Variants in CDH2 observed in about 807,000 individuals in gnomAD.
CDH2 encodes the protein cadherin-2.
In CDH2, 17 loss-of-function variants were observed where a neutral mutation model predicts 92.0. The observed-to-expected ratio is 0.18, with a 90% CI of 0.13 to 0.28. CDH2 has a LOEUF of 0.28. Ranked by LOEUF, CDH2 falls within the 10% of genes least tolerant of loss-of-function variation. The pLI is 1.00. For missense variants in CDH2, 862 were observed against 1,133.1 expected (o/e 0.76, Z 3.44); for synonymous variants, 419 against 415.9 (o/e 1.01, Z -0.09).
intron 2 of CDH2, among the ~76,000 whole-genome samples, chr18:28,051,667 T>C (rs937598946): frequency 3.3e-5 from 5 of 152,132 alleles, no homozygotes; most frequent in Non-Finnish European, 5.9e-5. Context: ...TATAGAACTG[T>C]CTTGCCCTGG....
intron 2 of CDH2, among the ~76,000 whole-genome samples, chr18:28,082,404 CTAAA>C (rs1469992178): frequency 1.3e-5 from 2 of 152,002 alleles, no homozygotes; most frequent in Non-Finnish European, 2.9e-5. Flanking sequence ...CAGCAAGACT[CTAAA>C]TAAATAAATA....
At chr18:28,059,185 G>T (rs371600730) in intron 2 of CDH2, among the ~76,000 whole-genome samples, 4 of 152,168 alleles carry the variant, frequency 2.6e-5, no homozygotes, top group Non-Finnish European at 2.9e-5. Context: ...TGGTTGGAAT[G>T]ACAAAAACCC....
At chr18:27,952,480 C>G (rs1325421002) in intron 15 of CDH2, 121 bp from the exon 16 acceptor site, 3 of 741,616 alleles carry the variant, frequency 4.0e-6, no homozygotes, top group Admixed American at 2.6e-5. Flanking sequence ...TTTCCATTTA[C>G]ATACCATATT....
intron 7 of CDH2, among the ~76,000 whole-genome samples, chr18:27,995,399 G>A (rs560565808): frequency 6.6e-6 from 1 of 151,470 alleles, no homozygotes; most frequent in Admixed American, 6.6e-5. Context: ...TGTCACTTCA[G>A]CTTAATGCTT....
chr18:28,034,435 T>A (rs1247945365), intron 2 of CDH2, among the ~76,000 whole-genome samples: 1 of 151,906 alleles, frequency 6.6e-6, no homozygotes, highest in African/African-American at 2.4e-5. Context: ...TAAATATATT[T>A]TTTTTCTGGT....
intron 2 of CDH2, among the ~76,000 whole-genome samples, chr18:28,131,381 G>C (rs1222129607): frequency 1.3e-5 from 2 of 152,132 alleles, no homozygotes; most frequent in African/African-American, 2.4e-5. Context: ...GGAGTAAAGA[G>C]GTAGCGAGAT....
chr18:28,149,449 A>C (rs2016087900), intron 1 of CDH2, among the ~76,000 whole-genome samples: 1 of 152,212 alleles, frequency 6.6e-6, no homozygotes, highest in Admixed American at 6.5e-5. Context: ...ATATAAATTT[A>C]ATTATAAATC....
intron 2 of CDH2, among the ~76,000 whole-genome samples, chr18:28,091,338 C>T (rs2015034173): frequency 6.6e-6 from 1 of 152,178 alleles, no homozygotes; most frequent in South Asian, 2.1e-4. Context: ...CACCCCCTGA[C>T]ACTTAAATAC....
intron 2 of CDH2, among the ~76,000 whole-genome samples, chr18:28,037,273 G>A (rs993009484): frequency 6.6e-6 from 1 of 152,096 alleles, no homozygotes; most frequent in Admixed American, 6.6e-5. Flanking sequence ...TTTTGCTAAT[G>A]GGTAGATACA....
intron 2 of CDH2, among the ~76,000 whole-genome samples, chr18:28,028,583 T>C (rs1263622049): frequency 1.3e-5 from 2 of 152,054 alleles, no homozygotes; most frequent in African/African-American, 2.4e-5. Flanking sequence ...AAATAATATA[T>C]ATAAAAAACA....
intron 2 of CDH2, among the ~76,000 whole-genome samples, chr18:28,114,479 G>GA (rs1023901692): frequency 1.3e-5 from 2 of 151,300 alleles, no homozygotes; most frequent in Admixed American, 6.6e-5. Flanking sequence ...TATCCAATCG[G>GA]AAAAAAAAGT....
At position 27,993,617 on chromosome 18, in the gene CDH2, T is replaced by C. The variant is rs2012493389; in HGVS notation, c.1041A>G (p.Leu347=). 1 of 1,612,496 alleles carries C rather than the reference T, an allele frequency of 6.2e-7. No individual in the cohort carries two copies. Among genetic ancestry groups the C allele is most frequent in the East Asian group, 2.2e-5 (1 of 44,864 alleles). ...LDREKVQQYT[L]IIQATDMEGN... is the part of the protein sequence containing the mutation. The stretch of plus-strand genomic sequence containing the variant: ...CTTCCATGTCTGTAGCTTGAATTAT[T>C]AACGTATACTGTTGCACTTTCTAAA... Residue 347 remains leucine (L), a synonymous_variant, in exon 8 of 16, where the codon TTA becomes TTG. Transcript: ENST00000269141.
At chr18:27,995,948 A>G (rs142687505) in intron 7 of CDH2, among the ~76,000 whole-genome samples, 2 of 152,266 alleles carry the variant, frequency 1.3e-5, no homozygotes, top group African/African-American at 4.8e-5. Flanking sequence ...CTTCTTGCCT[A>G]ATTTGGTCAT....
intron 6 of CDH2, among the ~76,000 whole-genome samples, chr18:27,935,837 G>A (rs1388119984): frequency 6.6e-6 from 1 of 152,108 alleles, no homozygotes; most frequent in Non-Finnish European, 1.5e-5. Context: ...ATTCATTATA[G>A]TTTCTTATGC....
At chr18:28,065,224 G>A (rs2014484065) in intron 2 of CDH2, among the ~76,000 whole-genome samples, 2 of 152,172 alleles carry the variant, frequency 1.3e-5, no homozygotes, top group East Asian at 1.9e-4. Flanking sequence ...ATCCCCTGTT[G>A]ACATTTCATT....
chr18:28,008,141 C>T (rs1374834435), intron 5 of CDH2, among the ~76,000 whole-genome samples: 3 of 151,988 alleles, frequency 2.0e-5, no homozygotes, highest in Admixed American at 6.6e-5. Flanking sequence ...ATTCAGAAAG[C>T]GAGAATTCCT....
chr18:28,169,867 T>C (rs1282855297), intron 1 of CDH2, among the ~76,000 whole-genome samples: 1 of 152,186 alleles, frequency 6.6e-6, no homozygotes, highest in Non-Finnish European at 1.5e-5. Context: ...ATCAAGGCAG[T>C]GGGTACACTA....
At chr18:27,949,852 T>C (rs1909368557), downstream of CDH2, among the ~76,000 whole-genome samples, 2 of 151,902 alleles carry the variant, frequency 1.3e-5, no homozygotes, top group Non-Finnish European at 2.9e-5. Context: ...TGTATATATA[T>C]AAAACCTTAC....
intron 6 of CDH2, among the ~76,000 whole-genome samples, chr18:27,938,714 A>AT (rs551203600): frequency 1.8e-3 from 276 of 152,014 alleles, no homozygotes; most frequent in African/African-American, 6.4e-3. Context: ...AAACCTCTAC[A>AT]TTTTTTTTAA....
Sources: allele counts gnomAD v4.1 joint callset (sites outside exome capture counted in the v4.1 genomes callset), GRCh38; gene constraint gnomAD v4.1.1; transcripts MANE v1.5; gene names NCBI Gene and HGNC (gene_info 2026-07-23, HGNC 2026-07-21).